The following HEATR4 variants were observed in gnomAD, a reference collection of about 807,000 sequenced individuals.
HEATR4 encodes HEAT repeat-containing protein 4.
In HEATR4, 95 loss-of-function variants were observed where a neutral mutation model predicts 108.8. The observed-to-expected ratio is 0.87, with a 90% CI of 0.74 to 1.04. The LOEUF (loss-of-function observed/expected upper bound fraction) is 1.04. HEATR4 is among the 50% of genes least tolerant of loss of function. The pLI, the probability that HEATR4 is intolerant of heterozygous loss-of-function variation, is 0.00. For synonymous variants in HEATR4, 443 were observed against 459.4 expected, an observed-to-expected ratio of 0.96 and a Z score of 0.46; for missense variants, 1,152 against 1,253.8, an observed-to-expected ratio of 0.92 and a Z score of 1.23.
Position 73,547,426 on chromosome 14 carries a change from C to T in HEATR4, c.-152+11325G>A, listed in dbSNP as rs558125938. Among the ~76,000 whole-genome samples, 53 of 114,772 alleles carry T rather than the reference C, an allele frequency of 4.6e-4. 18 individuals carry two copies. Among genetic ancestry groups the T allele is most frequent in the Non-Finnish European group, 8.8e-4 (46 of 52,534 alleles). The allele number at this position is 114,772 out of a possible 152,430, so 75.3% of individuals were successfully genotyped here. A position where few individuals can be genotyped will look rare whatever the true frequency, so the allele number is the denominator to read the frequency against. ...GTCTCCCTATGTTGCCCATGCTGGT[C>T]TTAAACTCCTGGGCTCAGGCAATCT... On this transcript the variant is annotated intron_variant, in intron 1 of 17. Coordinates refer to ENST00000553558, the MANE Select transcript of HEATR4 (RefSeq NM_001220484.1).
chr14:73,598,804 A>G, the HEATR4 span, among the ~76,000 whole-genome samples: 1 of 152,116 alleles, frequency 6.6e-6, no homozygotes, highest in African/African-American at 2.4e-5. Context: ...GGAGTTCGAG[A>G]CCAGCCTAAC....
chr14:73,553,695 C>T lies in HEATR4; in HGVS notation c.-152+5056G>A, dbSNP rs1889357989. The stretch of plus-strand genomic sequence containing the variant: ...TGTCCCCCAGGCTGGAGTGCAGCAG[C>T]GCAATCTTGGCACACTGCAACCTCT... On this transcript the variant is annotated intron_variant, in intron 1 of 17. Coordinates refer to ENST00000553558, the MANE Select transcript of HEATR4 (RefSeq NM_001220484.1). Among the ~76,000 whole-genome samples, 2 of 111,990 alleles carry T rather than the reference C, an allele frequency of 1.8e-5. 1 individual carries two copies. The highest frequency in any genetic ancestry group is 5.8e-4 in the South Asian group (2 of 3,446). 73.5% of individuals were successfully genotyped at this position (111,990 alleles called of 152,430 possible).
chr14:73,607,780 C>T, the HEATR4 span, among the ~76,000 whole-genome samples: 7 of 148,718 alleles, frequency 4.7e-5, no homozygotes, highest in South Asian at 4.3e-4. Context: ...TGCACCACCA[C>T]GCCTGGCTAA....
the HEATR4 span, among the ~76,000 whole-genome samples, chr14:73,589,334 C>G: frequency 3.3e-5 from 5 of 151,666 alleles, no homozygotes; most frequent in Non-Finnish European, 7.4e-5. Context: ...TTTCCCTTTC[C>G]TTTTTTTGAA....
At chr14:73,485,282 A>G (rs1176483311) in intron 17 of HEATR4, among the ~76,000 whole-genome samples, 3 of 152,210 alleles carry the variant, frequency 2.0e-5, no homozygotes, top group Non-Finnish European at 4.4e-5. Context: ...TTAACACGTT[A>G]TAGACATTTC....
chr14:73,602,524 A>G, the HEATR4 span, among the ~76,000 whole-genome samples: 1 of 152,162 alleles, frequency 6.6e-6, no homozygotes, highest in Non-Finnish European at 1.5e-5. Flanking sequence ...TAATAAATAC[A>G]GAGGGCTGTG....
the HEATR4 span, among the ~76,000 whole-genome samples, chr14:73,627,869 G>A: frequency 1.3e-5 from 2 of 151,916 alleles, no homozygotes; most frequent in African/African-American, 2.4e-5. Context: ...CTAGGCTGGA[G>A]GGCAGTGTTG....
intron 17 of HEATR4, 123 bp from the exon 18 acceptor site, chr14:73,478,965 G>A (rs1885126047): frequency 3.1e-6 from 2 of 648,588 alleles, no homozygotes; most frequent in Non-Finnish European, 5.2e-6. Context: ...TTGAGACGGA[G>A]TCCCACTCTG....
In HEATR4 at chr14:73,495,511, A is replaced by G. The variant is rs1368662298; in HGVS notation, c.2626-124T>C. The G allele has an allele frequency of 6.7e-6, 5 of 741,518 alleles. No homozygotes were observed. The Admixed American group carries it at 1.1e-4, about 16-fold the overall frequency. The allele number at this position is 741,518 out of a possible 1,614,324, so 45.9% of individuals were successfully genotyped here. A position where few individuals can be genotyped will look rare whatever the true frequency, so the allele number is the denominator to read the frequency against. ...GGAGGGAGGATCACTTGAGCCCAAC[A>G]GTTCAAGGCTACAGTGAGCTGTGAT... On this transcript the variant is annotated intron_variant, in intron 15 of 17. Coordinates refer to ENST00000553558, the MANE Select transcript of HEATR4 (RefSeq NM_001220484.1).
the HEATR4 span, among the ~76,000 whole-genome samples, chr14:73,583,452 T>C: frequency 6.6e-6 from 1 of 151,828 alleles, no homozygotes; most frequent in South Asian, 2.1e-4. Context: ...CCCTCCATGA[T>C]CCCTTTAAAA....
At chr14:73,612,999 C>G in the HEATR4 span, 1 of 986,210 alleles carries the variant, frequency 1.0e-6, no homozygotes, top group Non-Finnish European at 1.4e-6. Flanking sequence ...CGCGCGGGCC[C>G]GGTGCGCGCC....
chr14:73,507,650 G>A (rs1233861136), intron 9 of HEATR4, among the ~76,000 whole-genome samples: 2 of 151,958 alleles, frequency 1.3e-5, no homozygotes, highest in East Asian at 3.9e-4. Flanking sequence ...TGCCCAGGCT[G>A]GTCTTGAAAT....
intron 9 of HEATR4, among the ~76,000 whole-genome samples, chr14:73,506,799 TA>T (rs1458127960): frequency 7.3e-6 from 1 of 136,060 alleles, no homozygotes; most frequent in Non-Finnish European, 1.5e-5. Flanking sequence ...TTCCTGACTT[TA>T]ACTGTTTTTT....
At chr14:73,564,213 G>A in the HEATR4 span, among the ~76,000 whole-genome samples, 173 of 151,230 alleles carry the variant, frequency 1.1e-3, 3 homozygotes, top group Middle Eastern at 0.014. Context: ...CAGGTGAATC[G>A]CTGGAACCCG....
intron 1 of HEATR4, among the ~76,000 whole-genome samples, chr14:73,549,487 G>T (rs1889288758): frequency 1.7e-5 from 2 of 117,998 alleles, no homozygotes; most frequent in East Asian, 5.0e-4. Context: ...TGCAGAAAAA[G>T]AAATTGAGGC....
chr14:73,625,799 C>T, the HEATR4 span, among the ~76,000 whole-genome samples: 4 of 152,218 alleles, frequency 2.6e-5, no homozygotes, highest in African/African-American at 9.6e-5. Flanking sequence ...ACCAACTGGC[C>T]TTTCCCATCT....
At chr14:73,607,222 A>G in the HEATR4 span, among the ~76,000 whole-genome samples, 130 of 152,310 alleles carry the variant, frequency 8.5e-4, no homozygotes, top group Middle Eastern at 3.4e-3. Context: ...ACGCAGGAGA[A>G]TTGCTTGAAC....
chr14:73,492,985 G>A lies in HEATR4; in HGVS notation c.2844+81C>T, dbSNP rs866506079. On this transcript the variant is annotated intron_variant, in intron 17 of 17. Transcript: ENST00000553558. The surrounding 1 kb of genome is among the most constrained non-coding windows in gnomAD (Gnocchi z 4.9). The stretch of plus-strand genomic sequence containing the variant: ...GGAAACAAGGCAGTAGTGATTCTCC[G>A]CTGCCACTGCTACCTTTTTTTTTTT... 2.5e-6 allele frequency: 4 copies of A among 1,586,160 alleles called. No homozygotes were observed. The highest frequency in any genetic ancestry group is 2.8e-5 in the African/African-American group (2 of 70,558).
chr14:73,502,819 GC>G (rs1294895669), intron 11 of HEATR4, 75 bp downstream of exon 11: 1 of 1,096,990 alleles, frequency 9.1e-7, no homozygotes, highest in Non-Finnish European at 1.4e-6. Flanking sequence ...AGTGTTGGGA[GC>G]CACCTTGCCC....
Sources: gnomAD v4.1 joint callset for allele counts (sites outside exome capture counted in the v4.1 genomes callset) on GRCh38, gnomAD v4.1.1 for gene constraint, Gnocchi (gnomAD v3.1) non-coding constraint, MANE v1.5 for transcripts, NCBI Gene and HGNC (gene_info 2026-07-23, HGNC 2026-07-21) for gene names.